Variants in BNIP2 observed in about 807,000 individuals in gnomAD.
BNIP2 encodes the protein BCL2 interacting protein 2, also known as BCL2/adenovirus E1B 19 kDa protein-interacting protein 2.
BNIP2 carries 36 observed loss-of-function variants against 43.4 expected under a neutral mutation model. That is an observed-to-expected ratio of 0.83 (90% CI 0.64 to 1.10). The LOEUF (loss-of-function observed/expected upper bound fraction) is 1.10, where lower values mean the gene tolerates loss of function less well. BNIP2 is among the 50% of genes least tolerant of loss of function. The pLI is 0.00. For missense variants in BNIP2, 417 were observed against 374.1 expected, an observed-to-expected ratio of 1.11 and a Z score of -0.95; for synonymous variants, 146 against 121.0, an observed-to-expected ratio of 1.21 and a Z score of -1.35.
intron 4 of BNIP2, 189 bp from the exon 5 acceptor site, chr15:59,678,276 C>G (rs1893438786): frequency 1.5e-6 from 2 of 1,316,280 alleles, no homozygotes; most frequent in South Asian, 4.2e-5. Context: ...CTTTGGAAAT[C>G]ATGGTTCTTT....
chr15:59,684,755 G>A (rs1893908025), intron 1 of BNIP2, among the ~76,000 whole-genome samples: 1 of 152,098 alleles, frequency 6.6e-6, no homozygotes, highest in South Asian at 2.1e-4. Flanking sequence ...TTTTTATTGT[G>A]TGTTGAAAAA....
At chr15:59,678,446 T>C (rs1201688651) in intron 4 of BNIP2, 9 of 1,075,276 alleles carry the variant, frequency 8.4e-6, no homozygotes, top group Admixed American at 5.1e-5. Context: ...CTGGCAGTTA[T>C]GACTATAGGT....
At chr15:59,675,927 G>T (rs1237696821) in intron 5 of BNIP2, among the ~76,000 whole-genome samples, 2 of 152,210 alleles carry the variant, frequency 1.3e-5, no homozygotes. Flanking sequence ...TCAGGGGGTA[G>T]ATATGACAGT....
At chr15:59,688,641 T>A in intron 1 of BNIP2, 2 of 1,428,252 alleles carry the variant, frequency 1.4e-6, no homozygotes, top group Non-Finnish European at 1.9e-6. Flanking sequence ...GTACACACTC[T>A]GTATTTGGTT....
In BNIP2 at chr15:59,661,764, G is replaced by A. The variant is rs1398334166; in HGVS notation, c.*2305C>T. The A allele has an allele frequency of 6.6e-6, 1 of 152,166 alleles. No individual in the cohort carries two copies. The allele number at this position is 152,166 out of a possible 1,614,324, so 9.4% of individuals were successfully genotyped here. On this transcript the variant is annotated 3_prime_UTR_variant, in exon 10 of 10. Transcript: ENST00000607373. ...GGGAAATTAAAATGGAATAATATGG[G>A]AAATGTTAACTTAGCTATAGATTAG...
In BNIP2 at chr15:59,660,689, T is replaced by C. The variant is rs988195854; in HGVS notation, c.*3380A>G. 9 of 152,182 alleles carry C rather than the reference T, an allele frequency of 5.9e-5. No homozygotes were observed. The highest frequency in any genetic ancestry group is 1.2e-4 in the African/African-American group (5 of 41,448). The allele number at this position is 152,182 out of a possible 1,614,324, so 9.4% of individuals were successfully genotyped here. On this transcript the variant is annotated 3_prime_UTR_variant, in exon 10 of 10. Coordinates refer to ENST00000607373, the MANE Select transcript of BNIP2 (RefSeq NM_004330.4). ...GTTAAAAAAATTCTAGCTACAGATA[T>C]ATGCTTGCCAATCAGCATATTTCAG...
rs1191181782 is a variant in BNIP2, at chr15:59,664,100, C to T, written c.914G>A (p.Gly305Glu). 1 of 1,547,222 alleles carries T rather than the reference C, an allele frequency of 6.5e-7. No homozygotes were observed. Among genetic ancestry groups the T allele is most frequent in the South Asian group, 1.2e-5 (1 of 82,834 alleles). The change falls in exon 10 of 10, where the codon GGA (glycine) becomes GAA (glutamate). Residue 305 changes from glycine to glutamate, a missense_variant. Transcript: ENST00000607373. Reference sequence around the variant, plus strand: ...TTCATTTTTCGGTTCATCTTGTTTTCCATTAAGTTCTTGATCAACTCTGTT... The same window carrying T: ...TTCATTTTTCGGTTCATCTTGTTTTTCATTAAGTTCTTGATCAACTCTGTT... ...CIKQVDQELN[G>E]KQDEPKNEQ
chr15:59,689,130 C>T lies in BNIP2; in HGVS notation c.-58+5G>A, dbSNP rs1238310585. 1 of 1,535,882 alleles carries T rather than the reference C, an allele frequency of 6.5e-7. No homozygotes were observed. Among genetic ancestry groups the T allele is most frequent in the Non-Finnish European group, 8.7e-7 (1 of 1,145,960 alleles). On this transcript the variant is annotated splice_donor_5th_base_variant and intron_variant, in intron 1 of 9. Transcript: ENST00000607373. ...CCGTGCCGAGTTCTCCCAGGCCGCA[C>T]TCACCCCGGAGGAAGCCTTGGCCCC...
chr15:59,671,135 C>A (rs1184315225), intron 7 of BNIP2, 48 bp downstream of exon 7: 2 of 1,475,650 alleles, frequency 1.4e-6, no homozygotes, highest in Non-Finnish European at 9.1e-7. Context: ...TTTCCTAAAG[C>A]CATTATAAAA....
intron 5 of BNIP2, chr15:59,677,134 C>G: frequency 6.3e-7 from 1 of 1,598,404 alleles, no homozygotes; most frequent in South Asian, 1.1e-5. Context: ...ATCAATGAGG[C>G]TATTTACATG....
intron 5 of BNIP2, chr15:59,676,872 G>C: frequency 6.3e-7 from 1 of 1,588,546 alleles, no homozygotes; most frequent in Non-Finnish European, 8.6e-7. Context: ...CTCTCGCTGC[G>C]TTCGCTCACC....
At chr15:59,670,839 C>G (rs532713548) in intron 7 of BNIP2, among the ~76,000 whole-genome samples, 2 of 151,972 alleles carry the variant, frequency 1.3e-5, no homozygotes, top group Non-Finnish European at 2.9e-5. Context: ...TTCAGGAGGC[C>G]GAGGCGGGTG....
At chr15:59,687,914 G>A (rs1161495944) in intron 1 of BNIP2, among the ~76,000 whole-genome samples, 3 of 152,086 alleles carry the variant, frequency 2.0e-5, no homozygotes, top group Admixed American at 1.3e-4. Context: ...TATCTAGTCC[G>A]GAACTGTTTC....
chr15:59,667,494 T>C (rs1346538338), intron 9 of BNIP2, among the ~76,000 whole-genome samples: 11 of 152,220 alleles, frequency 7.2e-5, no homozygotes, highest in Non-Finnish European at 1.5e-4. Flanking sequence ...TAGTTTGTTA[T>C]GCTCAAAGCA....
At chr15:59,672,791 T>A (rs1893017886) in intron 5 of BNIP2, 52 bp from the exon 6 acceptor site, 1 of 1,302,200 alleles carries the variant, frequency 7.7e-7, no homozygotes, top group Non-Finnish European at 1.1e-6. Flanking sequence ...CTCTTAGGCA[T>A]TTTTAGAAGA....
intron 1 of BNIP2, 166 bp downstream of exon 1, chr15:59,688,969 G>A (rs879548053): frequency 6.9e-7 from 1 of 1,441,510 alleles, no homozygotes; most frequent in Non-Finnish European, 9.1e-7. Flanking sequence ...CGGGGATCCA[G>A]GAAGCACCTC....
At chr15:59,677,179 A>G (rs377026212) in intron 5 of BNIP2, 9 of 1,595,336 alleles carry the variant, frequency 5.6e-6, no homozygotes, top group East Asian at 4.5e-5. Context: ...ATCTTATTGA[A>G]GGATCCAGTG....
At chr15:59,685,021 G>A (rs879741586) in intron 1 of BNIP2, among the ~76,000 whole-genome samples, 14 of 152,162 alleles carry the variant, frequency 9.2e-5, no homozygotes, top group Admixed American at 4.6e-4. Flanking sequence ...AATAGGATTT[G>A]TCATGTGTTA....
intron 1 of BNIP2, among the ~76,000 whole-genome samples, chr15:59,685,093 A>G (rs772570737): frequency 1.3e-5 from 2 of 152,246 alleles, no homozygotes; most frequent in Admixed American, 6.5e-5. Flanking sequence ...ATTAATTTCT[A>G]TTTGTAAAAT....
Sources: allele counts gnomAD v4.1 joint callset (sites outside exome capture counted in the v4.1 genomes callset), GRCh38; gene constraint gnomAD v4.1.1; transcripts MANE v1.5; gene names NCBI Gene and HGNC (gene_info 2026-07-23, HGNC 2026-07-21).